Variants in PRKAG2 observed in about 807,000 individuals in gnomAD.
PRKAG2 encodes protein kinase AMP-activated non-catalytic subunit gamma 2, also known as 5'-AMP-activated protein kinase subunit gamma-2.
PRKAG2 carries 26 observed loss-of-function variants against 69.6 expected under a neutral mutation model. The ratio of observed to expected loss-of-function variants is 0.37; its 90% CI spans 0.27 to 0.52. The LOEUF (loss-of-function observed/expected upper bound fraction) is 0.52, where lower values mean the gene tolerates loss of function less well. Among genes scored for constraint, PRKAG2 ranks in the 20% least tolerant of loss-of-function variants. The pLI is 0.90. For missense variants in PRKAG2, 557 were observed against 740.0 expected, an observed-to-expected ratio of 0.75 and a Z score of 2.87; for synonymous variants, 293 against 285.0, an observed-to-expected ratio of 1.03 and a Z score of -0.28.
At chr7:151,730,003 T>C (rs1244758442) in intron 3 of PRKAG2, among the ~76,000 whole-genome samples, 1 of 152,194 alleles carries the variant, frequency 6.6e-6, no homozygotes, top group Non-Finnish European at 1.5e-5. Context: ...TAGAATGGTG[T>C]TTGCCAGGGG....
At chr7:151,701,834 C>T (rs1253606705) in intron 3 of PRKAG2, among the ~76,000 whole-genome samples, 13 of 124,134 alleles carry the variant, frequency 1.0e-4, no homozygotes, top group Non-Finnish European at 1.8e-4. Context: ...CAGAGCGAGA[C>T]TCTGTCTCAA....
chr7:151,789,857 G>C (rs2077190764), intron 1 of PRKAG2, among the ~76,000 whole-genome samples: 1 of 152,176 alleles, frequency 6.6e-6, no homozygotes, highest in Non-Finnish European at 1.5e-5. Flanking sequence ...GGAGCTCCCA[G>C]CCGGCCCTGC....
At chr7:151,707,595 T>G (rs1029999691) in intron 3 of PRKAG2, among the ~76,000 whole-genome samples, 7 of 152,094 alleles carry the variant, frequency 4.6e-5, no homozygotes, top group African/African-American at 1.7e-4. Flanking sequence ...TCCTCTCTGG[T>G]GGGGTGCTCC....
chr7:151,857,901 C>A (rs1476441847), intron 1 of PRKAG2, among the ~76,000 whole-genome samples: 1 of 152,236 alleles, frequency 6.6e-6, no homozygotes, highest in Non-Finnish European at 1.5e-5. Context: ...AGGAATGGGG[C>A]ATAGGAGACA....
At chr7:151,586,285 G>A (rs1811643816) in intron 6 of PRKAG2, among the ~76,000 whole-genome samples, 1 of 151,896 alleles carries the variant, frequency 6.6e-6, no homozygotes, top group African/African-American at 2.4e-5. Context: ...TCATGGCACG[G>A]CCGTCTACGC....
At position 151,814,175 on chromosome 7, in the gene PRKAG2, C is replaced by T. The variant is rs886953598; in HGVS notation, c.115-27634G>A. Among the ~76,000 whole-genome samples the T allele has an allele frequency of 1.3e-5, 2 of 152,138 alleles. No individual in the cohort carries two copies. Among genetic ancestry groups the T allele is most frequent in the East Asian group, 1.9e-4 (1 of 5,188 alleles). ...ACACATACCACCTTCACTAGTGATGCTCTTTAAATCACCAAGAAAAAGTTA... is the reference window on the plus strand; with the variant it reads ...ACACATACCACCTTCACTAGTGATGTTCTTTAAATCACCAAGAAAAAGTTA... On this transcript the variant is annotated intron_variant, in intron 1 of 15. Transcript: ENST00000287878. This position sits in a 1 kb window ranked among gnomAD's most constrained non-coding sequence, Gnocchi z 4.8.
intron 4 of PRKAG2, among the ~76,000 whole-genome samples, chr7:151,643,111 AT>A (rs911035941): frequency 4.6e-5 from 7 of 152,022 alleles, no homozygotes; most frequent in Non-Finnish European, 7.4e-5. Flanking sequence ...AAATAAATCC[AT>A]TTTTTTGCCA....
chr7:151,866,821 G>C (rs547104427), intron 1 of PRKAG2, among the ~76,000 whole-genome samples: 19 of 152,214 alleles, frequency 1.2e-4, no homozygotes, highest in African/African-American at 4.3e-4. Flanking sequence ...TCTTCTGGAA[G>C]TTGAGCAGGT....
At chr7:151,650,502 GTAA>G (rs1327283036) in intron 4 of PRKAG2, among the ~76,000 whole-genome samples, 1 of 152,192 alleles carries the variant, frequency 6.6e-6, no homozygotes, top group Non-Finnish European at 1.5e-5. Context: ...GTGGATGACA[GTAA>G]TGCTTGACAA....
In PRKAG2 at chr7:151,572,721, A is replaced by C; in HGVS notation, c.1006-12T>G. The C allele has an allele frequency of 6.6e-7, 1 of 1,522,256 alleles. No homozygotes were observed. Among genetic ancestry groups the C allele is most frequent in the Admixed American group, 1.7e-5 (1 of 58,524 alleles). 94.3% of individuals were successfully genotyped at this position (1,522,256 alleles called of 1,614,324 possible). A position where few individuals can be genotyped will look rare whatever the true frequency, so the allele number is the denominator to read the frequency against. The stretch of plus-strand genomic sequence containing the variant: ...TCATAAATCTGTACCTGCAAATAAA[A>C]AAATTCTTATTTATAAATATACATA... On this transcript the variant is annotated splice_polypyrimidine_tract_variant and intron_variant, in intron 8 of 15. Coordinates refer to ENST00000287878, the MANE Select transcript of PRKAG2 (RefSeq NM_016203.4).
chr7:151,623,310 G>C (rs1821960869), intron 5 of PRKAG2, among the ~76,000 whole-genome samples: 1 of 138,880 alleles, frequency 7.2e-6, no homozygotes, highest in South Asian at 2.3e-4. Context: ...CTTGCAGTGA[G>C]CCGAGATTGC....
intron 3 of PRKAG2, among the ~76,000 whole-genome samples, chr7:151,731,437 T>C (rs1798906625): frequency 6.6e-6 from 1 of 152,066 alleles, no homozygotes. Flanking sequence ...GGCTTTCCAG[T>C]GGAAATGCCA....
chr7:151,565,494 T>C, intron 12 of PRKAG2, 111 bp from the exon 13 acceptor site: 1 of 972,142 alleles, frequency 1.0e-6, no homozygotes, highest in Non-Finnish European at 1.5e-6. Context: ...ATAAATAACC[T>C]TGTCTATTTT....
chr7:151,765,356 G>A lies in PRKAG2; in HGVS notation c.466+15796C>T, dbSNP rs559326334. Among the ~76,000 whole-genome samples the A allele has an allele frequency of 7.9e-5, 12 of 152,230 alleles. No homozygotes were observed. The East Asian group carries it at 9.7e-4, about 12-fold the overall frequency. On this transcript the variant is annotated intron_variant, in intron 3 of 15. Transcript: ENST00000287878. The stretch of plus-strand genomic sequence containing the variant: ...ATCTCGTGAGAACTCATTCACTATC[G>A]CCAGAATAGCAATGGGAAGTCTGCC...
chr7:151,665,203 C>T (rs1830869839), intron 4 of PRKAG2, among the ~76,000 whole-genome samples: 1 of 152,094 alleles, frequency 6.6e-6, no homozygotes, highest in Non-Finnish European at 1.5e-5. Context: ...TCTGAGTGCT[C>T]AGTGCCTAGG....
At chr7:151,732,078 T>C (rs1356062884) in intron 3 of PRKAG2, among the ~76,000 whole-genome samples, 1 of 150,596 alleles carries the variant, frequency 6.6e-6, no homozygotes, top group East Asian at 2.0e-4. Flanking sequence ...AGCACTCCTC[T>C]ACCTGCCTCA....
rs532018812 is a variant in PRKAG2, at chr7:151,557,736, G to A, written c.1679-504C>T. 2.7e-4 allele frequency: 122 copies of A among 451,700 alleles called. 1 individual carries two copies. Among genetic ancestry groups the A allele is most frequent in the Non-Finnish European group, 3.4e-4 (118 of 342,062 alleles). 28.0% of individuals were successfully genotyped at this position (451,700 alleles called of 1,614,324 possible). On this transcript the variant is annotated intron_variant, in intron 15 of 15. Transcript: ENST00000287878. ...AATACAAAAATTAGCTGGGCGTAGTGGCGGGCGCCTGTAATCCCAGCTACT... is the reference window on the plus strand; with the variant it reads ...AATACAAAAATTAGCTGGGCGTAGTAGCGGGCGCCTGTAATCCCAGCTACT...
intron 5 of PRKAG2, among the ~76,000 whole-genome samples, chr7:151,627,137 A>G (rs919901332): frequency 6.6e-6 from 1 of 152,192 alleles, no homozygotes; most frequent in Non-Finnish European, 1.5e-5. Context: ...TCTTAACGAC[A>G]GCAATAACAA....
intron 1 of PRKAG2, among the ~76,000 whole-genome samples, chr7:151,816,171 T>C (rs2078633882): frequency 6.6e-6 from 1 of 152,070 alleles, no homozygotes; most frequent in Admixed American, 6.5e-5. Flanking sequence ...TTTCTTAAAG[T>C]CACTTTCAGC....
Sources: gnomAD v4.1 joint callset for allele counts (sites outside exome capture counted in the v4.1 genomes callset) on GRCh38, gnomAD v4.1.1 for gene constraint, Gnocchi (gnomAD v3.1) non-coding constraint, MANE v1.5 for transcripts, NCBI Gene and HGNC (gene_info 2026-07-23, HGNC 2026-07-21) for gene names.